NBPF14: variants seen among roughly 807,000 people sequenced by gnomAD.
NBPF14 encodes the protein NBPF family member NBPF14.
In NBPF14, 104 loss-of-function variants were observed where a neutral mutation model predicts 91.2. That is an observed-to-expected ratio of 1.14 (90% CI 0.97 to 1.34). The LOEUF is 1.34. NBPF14 is among the 40% of genes most tolerant of loss of function. The probability of loss-of-function intolerance (pLI) is 0.00; values close to 1 mark genes in which losing one functional copy is unlikely to be tolerated. For synonymous variants in NBPF14, 294 were observed against 303.8 expected (o/e 0.97, Z 0.34); for missense variants, 908 against 783.0 (o/e 1.16, Z -1.91).
intron 28 of NBPF14, among the ~76,000 whole-genome samples, chr1:148,566,545 A>C (rs1244387493): frequency 8.2e-6 from 1 of 122,186 alleles, no homozygotes; most frequent in Non-Finnish European, 2.0e-5. Context: ...ACACACAAAC[A>C]CACACACACA....
At position 148,559,977 on chromosome 1, in the gene NBPF14, G is replaced by T. The variant is rs1283727075; in HGVS notation, c.4557-12C>A. The T allele has an allele frequency of 7.8e-7, 1 of 1,277,594 alleles. No individual in the cohort carries two copies. Among genetic ancestry groups the T allele is most frequent in the Non-Finnish European group, 1.1e-6 (1 of 909,598 alleles). The allele number at this position is 1,277,594 out of a possible 1,614,324, so 79.1% of individuals were successfully genotyped here. On this transcript the variant is annotated splice_polypyrimidine_tract_variant and intron_variant, in intron 36 of 70. Transcript: ENST00000619423. ...GCTCCCTGCTGAGCCTGGAAAAGTGGAAAAAAGTAAAGAATAAGCCAGGGG... is the reference window on the plus strand; with the variant it reads ...GCTCCCTGCTGAGCCTGGAAAAGTGTAAAAAAGTAAAGAATAAGCCAGGGG...
At chr1:148,534,519 A>T (rs1200133156) in intron 69 of NBPF14, among the ~76,000 whole-genome samples, 165 bp downstream of exon 69, 1 of 151,776 alleles carries the variant, frequency 6.6e-6, no homozygotes, top group Non-Finnish European at 1.5e-5. Flanking sequence ...TTTCATGTCT[A>T]GGCTTCCAGC....
Position 148,591,146 on chromosome 1 carries a change from C to A in NBPF14, c.567-178G>T, listed in dbSNP as rs1349111136. On this transcript the variant is annotated intron_variant, in intron 5 of 70. Transcript: ENST00000619423. ...TCTCTCTGCAACAGACCATGGCTGC[C>A]ATGGGAGCCAGAGAGGAAGAGAGCA... 5.5e-5 allele frequency among the ~76,000 whole-genome samples: 8 copies of A among 145,738 alleles called. 1 individual carries two copies. The highest frequency in any genetic ancestry group is 1.1e-4 in the Non-Finnish European group (7 of 65,198).
intron 8 of NBPF14, among the ~76,000 whole-genome samples, 194 bp downstream of exon 8, chr1:148,587,107 C>G (rs1251788580): frequency 6.7e-6 from 1 of 148,320 alleles, no homozygotes; most frequent in Non-Finnish European, 1.5e-5. Flanking sequence ...GAAAACAAGG[C>G]TCTGAGAAAC....
At chr1:148,595,150 A>C (rs1663105404) in intron 2 of NBPF14, among the ~76,000 whole-genome samples, 1 of 145,816 alleles carries the variant, frequency 6.9e-6, no homozygotes, top group African/African-American at 2.5e-5. Context: ...GCCTCAACAG[A>C]AACTTGAACT....
intron 19 of NBPF14, 69 bp downstream of exon 19, chr1:148,573,984 G>T: frequency 1.1e-4 from 5 of 47,572 alleles, no homozygotes; most frequent in South Asian, 5.9e-4. Flanking sequence ...ATGGCCACTT[G>T]GAGCAGGAAT....
intron 69 of NBPF14, 144 bp downstream of exon 69, chr1:148,534,540 G>C (rs1250138807): frequency 3.5e-5 from 25 of 710,938 alleles, no homozygotes; most frequent in Admixed American, 1.4e-4. Context: ...TGAGACTACA[G>C]TTTCATTACA....
At chr1:148,534,805 T>G (rs1360724493) in exon 69 of NBPF14, 5 of 1,010,366 alleles carry the variant, frequency 4.9e-6, no homozygotes, top group Non-Finnish European at 7.8e-6. Context: ...ATCTATCCAG[T>G]GAGTCCTGCA....
rs797042101 is a variant in NBPF14, at chr1:148,533,773, T to C, written c.8723+88A>G. 1.2e-4 allele frequency: 93 copies of C among 762,100 alleles called. 1 individual carries two copies. Among genetic ancestry groups the C allele is most frequent in the South Asian group, 3.6e-4 (27 of 74,192 alleles). 47.2% of individuals were successfully genotyped at this position (762,100 alleles called of 1,614,324 possible). ...GGAGTAATTCAGCCTTTGTTGAAAA[T>C]ATGACATCAAACACACTCTGGTTTC... is the stretch of plus-strand genomic sequence containing the variant. On this transcript the variant is annotated intron_variant, in intron 70 of 70. Coordinates refer to ENST00000619423, the Ensembl canonical transcript of NBPF14.
At chr1:148,534,705 C>T (rs1654713985) in exon 69 of NBPF14, 5 of 836,386 alleles carry the variant, frequency 6.0e-6, no homozygotes, top group South Asian at 2.7e-5. Flanking sequence ...AGAGCCAAGC[C>T]AAGGTACTGT....
intron 49 of NBPF14, among the ~76,000 whole-genome samples, chr1:148,550,041 T>A: frequency 6.9e-6 from 1 of 145,648 alleles, no homozygotes; most frequent in Middle Eastern, 3.5e-3. Context: ...CACGCTGAAA[T>A]TAGAGTGAAG....
At chr1:148,593,983 C>A (rs1195694289) in intron 2 of NBPF14, among the ~76,000 whole-genome samples, 2 of 149,428 alleles carry the variant, frequency 1.3e-5, no homozygotes, top group African/African-American at 4.9e-5. Flanking sequence ...CCCCTGAGGT[C>A]TGACTCTGAA....
At chr1:148,566,255 T>A in exon 29 of NBPF14, 1 of 632,772 alleles carries the variant, frequency 1.6e-6, no homozygotes, top group Admixed American at 2.3e-5. Flanking sequence ...TTGAATAACA[T>A]CTATCCAGTG....
chr1:148,533,797 T>G lies in NBPF14; in HGVS notation c.8723+64A>C, dbSNP rs1199638988. Reference sequence around the variant, plus strand: ...ATATGACATCAAACACACTCTGGTTTCCCTGAATCTGTTGCCTCCAGGAGT... The same window carrying G: ...ATATGACATCAAACACACTCTGGTTGCCCTGAATCTGTTGCCTCCAGGAGT... On this transcript the variant is annotated intron_variant, in intron 70 of 70. Transcript: ENST00000619423. 2.1e-5 allele frequency: 16 copies of G among 765,492 alleles called. 1 individual carries two copies. Among genetic ancestry groups the G allele is most frequent in the African/African-American group, 1.5e-4 (9 of 58,772 alleles). The allele number at this position is 765,492 out of a possible 1,614,324, so 47.4% of individuals were successfully genotyped here.
chr1:148,542,190 G>A (rs1273505166), intron 59 of NBPF14, among the ~76,000 whole-genome samples: 5 of 68,848 alleles, frequency 7.3e-5, no homozygotes, highest in Admixed American at 2.5e-4. Flanking sequence ...CAACAAATAC[G>A]CAGATTGTTC....
chr1:148,539,359 C>T (rs1655524079), intron 63 of NBPF14, 51 bp downstream of exon 63: 1 of 502,438 alleles, frequency 2.0e-6, no homozygotes, highest in Non-Finnish European at 3.4e-6. Context: ...AATATCACCC[C>T]TATCTGGAAG....
intron 68 of NBPF14, among the ~76,000 whole-genome samples, chr1:148,535,072 A>T (rs1654833555): frequency 6.8e-6 from 1 of 146,348 alleles, no homozygotes; most frequent in African/African-American, 2.6e-5. Context: ...GAGAGAGAGG[A>T]GAAAGTGAGC....
At chr1:148,560,215 A>G (rs1374071877) in intron 36 of NBPF14, among the ~76,000 whole-genome samples, 1 of 151,076 alleles carries the variant, frequency 6.6e-6, no homozygotes, top group African/African-American at 2.5e-5. Flanking sequence ...GACCTAGTGA[A>G]TTGGCCAGGT....
At chr1:148,534,719 T>C (rs1270069931) in exon 69 of NBPF14, 98 of 839,044 alleles carry the variant, frequency 1.2e-4, no homozygotes, top group African/African-American at 1.1e-3. Flanking sequence ...GTACTGTTCC[T>C]CCAATGAGTA....
Sources: allele counts gnomAD v4.1 joint callset (sites outside exome capture counted in the v4.1 genomes callset), GRCh38; gene constraint gnomAD v4.1.1; transcripts MANE v1.5; gene names NCBI Gene and HGNC (gene_info 2026-07-23, HGNC 2026-07-21).